The following KIAA0753 variants were observed in gnomAD, a reference collection of about 807,000 sequenced individuals.
KIAA0753 encodes KIAA0753.
Under a neutral mutation model 116.9 loss-of-function variants are expected in KIAA0753, and 114 were observed. The observed-to-expected ratio is 0.98, with a 90% CI of 0.84 to 1.14. KIAA0753 has a LOEUF of 1.14. KIAA0753 is among the 50% of genes most tolerant of loss of function. The probability of loss-of-function intolerance (pLI) is 0.00; values close to 1 mark genes in which losing one functional copy is unlikely to be tolerated. For synonymous variants in KIAA0753, 405 were observed against 413.1 expected, an observed-to-expected ratio of 0.98 and a Z score of 0.24; for missense variants, 1,156 against 1,172.4, an observed-to-expected ratio of 0.99 and a Z score of 0.20.
At chr17:6,592,242 G>A (rs1356956569) in intron 16 of KIAA0753, among the ~76,000 whole-genome samples, 2 of 152,160 alleles carry the variant, frequency 1.3e-5, no homozygotes, top group Admixed American at 1.3e-4. Flanking sequence ...CCCATCTTTT[G>A]GTCAAAATTT....
At chr17:6,633,499 A>G (rs999192536) in intron 2 of KIAA0753, among the ~76,000 whole-genome samples, 1 of 152,212 alleles carries the variant, frequency 6.6e-6, no homozygotes, top group Non-Finnish European at 1.5e-5. Flanking sequence ...AAAACTAAAT[A>G]TACACCTACC....
intron 10 of KIAA0753, 56 bp from the exon 11 acceptor site, chr17:6,607,326 T>A: frequency 2.8e-6 from 4 of 1,405,998 alleles, no homozygotes; most frequent in Non-Finnish European, 4.0e-6. Flanking sequence ...CAGGGTGTCA[T>A]CATCACAGAA....
intron 16 of KIAA0753, among the ~76,000 whole-genome samples, chr17:6,593,823 T>C (rs548076416): frequency 5.9e-5 from 9 of 152,292 alleles, no homozygotes; most frequent in African/African-American, 9.6e-5. Flanking sequence ...AGGTAGAGGT[T>C]GTGGTGAGCC....
At position 6,639,730 on chromosome 17, in the gene KIAA0753, C is replaced by T. The variant is rs1333612976; in HGVS notation, c.-69+907G>A. ...AACACCCCTTTCGACAGGTCCCTCT[C>T]CTGCAGGCACGGGATGGAGCTCGAC... On this transcript the variant is annotated intron_variant, in intron 1 of 18. Coordinates refer to ENST00000361413, the MANE Select transcript of KIAA0753 (RefSeq NM_014804.3). This position sits in a 1 kb window ranked among gnomAD's most constrained non-coding sequence, Gnocchi z 4.3. 1 of 152,896 alleles carries T rather than the reference C, an allele frequency of 6.5e-6. No homozygotes were observed. Among genetic ancestry groups the T allele is most frequent in the South Asian group, 2.1e-4 (1 of 4,846 alleles). 9.5% of individuals were successfully genotyped at this position (152,896 alleles called of 1,614,324 possible). A position where few individuals can be genotyped will look rare whatever the true frequency, so the allele number is the denominator to read the frequency against.
chr17:6,607,195 G>A lies in KIAA0753; in HGVS notation c.1905C>T (p.Ser635=). 6.2e-7 allele frequency: 1 copy of A among 1,613,180 alleles called. No individual in the cohort carries two copies. Among genetic ancestry groups the A allele is most frequent in the South Asian group, 1.1e-5 (1 of 91,008 alleles). The change falls in exon 11 of 19, where the codon AGC becomes AGT. Residue 635 remains serine, a synonymous_variant. Coordinates refer to ENST00000361413, the MANE Select transcript of KIAA0753 (RefSeq NM_014804.3). ...CAAATATTTACCTCTGTTTTTGCAT[G>A]CTGTCAATTTCCTTGGCTTTTAACT... The part of the protein sequence containing the change: ...LEELKAKEID[S]MQKQRLDWLD...
At chr17:6,582,957 C>A (rs1446431807) in intron 18 of KIAA0753, among the ~76,000 whole-genome samples, 1 of 152,196 alleles carries the variant, frequency 6.6e-6, no homozygotes. Flanking sequence ...ATCCATAAAA[C>A]ATCAGTATTG....
intron 8 of KIAA0753, 61 bp from the exon 9 acceptor site, chr17:6,610,221 C>T: frequency 1.3e-6 from 2 of 1,540,844 alleles, no homozygotes; most frequent in Non-Finnish European, 1.8e-6. Flanking sequence ...ATGGTTTAAC[C>T]TCTGACTCAC....
At chr17:6,606,992 C>G in intron 11 of KIAA0753, 30 bp from the exon 12 acceptor site, 1 of 1,600,982 alleles carries the variant, frequency 6.2e-7, no homozygotes. Flanking sequence ...GTCACCCCAA[C>G]TCTCCTCAAG....
At chr17:6,586,551 T>G (rs1309030263) in intron 18 of KIAA0753, among the ~76,000 whole-genome samples, 1 of 152,244 alleles carries the variant, frequency 6.6e-6, no homozygotes, top group Admixed American at 6.5e-5. Context: ...GATGGTTTCA[T>G]GTGTTTTATT....
intron 12 of KIAA0753, among the ~76,000 whole-genome samples, chr17:6,602,884 C>A (rs1332518756): frequency 6.6e-6 from 1 of 151,932 alleles, no homozygotes; most frequent in East Asian, 1.9e-4. Context: ...GAGAAGATAG[C>A]CAAGATTACT....
chr17:6,591,074 GAAGAAGAA>G lies in KIAA0753; in HGVS notation c.2441-452_2441-445del, dbSNP rs1310026915. ...AGAAGAAGAAGAAGAAGAAGAAGAAGAAGAAGAAGAAGAAGAAGAAGAAGAAGAAGAAG... is the reference window on the plus strand; with the variant it reads ...AGAAGAAGAAGAAGAAGAAGAAGAAGGAAGAAGAAGAAGAAGAAGAAGAAG... On this transcript the variant is annotated intron_variant, in intron 16 of 18. Transcript: ENST00000361413. 7.4e-5 allele frequency among the ~76,000 whole-genome samples: 9 copies of G among 120,848 alleles called. No individual in the cohort carries two copies. In the East Asian group the frequency reaches 9.0e-4, roughly 12 times the overall value. The allele number at this position is 120,848 out of a possible 152,430, so 79.3% of individuals were successfully genotyped here.
chr17:6,587,812 C>A (rs992653219), intron 18 of KIAA0753, among the ~76,000 whole-genome samples: 1 of 152,140 alleles, frequency 6.6e-6, no homozygotes, highest in Non-Finnish European at 1.5e-5. Context: ...CACTTGAATA[C>A]AAGGAAATAA....
chr17:6,616,168 T>C (rs977054435), intron 7 of KIAA0753, among the ~76,000 whole-genome samples: 6 of 152,228 alleles, frequency 3.9e-5, no homozygotes, highest in African/African-American at 1.4e-4. Flanking sequence ...AGTGTTTTAC[T>C]CAAGGTTCCC....
At chr17:6,594,727 T>TA (rs1288421129) in intron 16 of KIAA0753, among the ~76,000 whole-genome samples, 2 of 152,216 alleles carry the variant, frequency 1.3e-5, no homozygotes, top group Non-Finnish European at 2.9e-5. Context: ...CTCTAGTTGA[T>TA]AATAAGCATG....
intron 3 of KIAA0753, among the ~76,000 whole-genome samples, chr17:6,625,685 AAAAG>A (rs1971623564): frequency 6.6e-6 from 1 of 152,208 alleles, no homozygotes; most frequent in Admixed American, 6.5e-5. Context: ...AGAATTAAAA[AAAAG>A]AGAGAGAGAC....
Position 6,628,584 on chromosome 17 carries a change from C to T in KIAA0753, c.251G>A (p.Gly84Asp), listed in dbSNP as rs764905029. The T allele has an allele frequency of 1.2e-6, 2 of 1,614,128 alleles. No homozygotes were observed. The highest frequency in any genetic ancestry group is 1.7e-6 in the Non-Finnish European group (2 of 1,180,010). Residue 84 changes from glycine to aspartate, a missense_variant, in exon 3 of 19, where the codon GGC becomes GAC. Transcript: ENST00000361413. ...TATGACGGAAAATGAAACAGAACTG[C>T]CCAGGTCAGGACCAACTCTACAATC... The part of the protein sequence containing the change: ...DADCRVGPDL[G>D]SSVSFSVISQ...
intron 2 of KIAA0753, 43 bp from the exon 3 acceptor site, chr17:6,628,784 C>A (rs2150909597): frequency 1.3e-6 from 2 of 1,532,480 alleles, no homozygotes; most frequent in South Asian, 1.3e-5. Flanking sequence ...AGAAAAATTT[C>A]ATATTGCACA....
intron 18 of KIAA0753, among the ~76,000 whole-genome samples, chr17:6,582,518 C>A (rs1260301303): frequency 6.6e-6 from 1 of 152,170 alleles, no homozygotes; most frequent in Non-Finnish European, 1.5e-5. Flanking sequence ...TTCCTTCTAC[C>A]CCATTCCCAC....
Position 6,622,881 on chromosome 17 carries a change from C to T in KIAA0753, c.1104+1G>A, listed in dbSNP as rs765061108. 202 of 1,609,388 alleles carry T rather than the reference C, an allele frequency of 1.3e-4. No individual in the cohort carries two copies. Among genetic ancestry groups the T allele is most frequent in the Non-Finnish European group, 1.6e-4 (193 of 1,175,974 alleles). On this transcript the variant is annotated splice_donor_variant, in intron 6 of 18. Coordinates refer to ENST00000361413, the MANE Select transcript of KIAA0753 (RefSeq NM_014804.3). LOFTEE classifies it high-confidence loss of function. Reference sequence around the variant, plus strand: ...AACAAAAATTGGAATTAATTCCATACCTCAATTTGTTGCAGAATATCTATA... The same window carrying T: ...AACAAAAATTGGAATTAATTCCATATCTCAATTTGTTGCAGAATATCTATA...
Sources: gnomAD v4.1 joint callset for allele counts (sites outside exome capture counted in the v4.1 genomes callset) on GRCh38, gnomAD v4.1.1 for gene constraint, Gnocchi (gnomAD v3.1) non-coding constraint, MANE v1.5 for transcripts, NCBI Gene and HGNC (gene_info 2026-07-23, HGNC 2026-07-21) for gene names.